The following DIAPH3 variants were observed in gnomAD, a reference collection of about 807,000 sequenced individuals.
The protein encoded by DIAPH3 is protein diaphanous homolog 3.
DIAPH3 carries 117 observed loss-of-function variants against 144.3 expected under a neutral mutation model. The ratio of observed to expected loss-of-function variants is 0.81; its 90% confidence interval spans 0.70 to 0.95. DIAPH3 has a LOEUF of 0.95. DIAPH3 is among the 40% of genes least tolerant of loss of function. The probability of loss-of-function intolerance (pLI) is 0.00; values close to 1 mark genes in which losing one functional copy is unlikely to be tolerated. For missense variants in DIAPH3, 1,421 were observed against 1,412.7 expected (o/e 1.01, Z -0.09); for synonymous variants, 519 against 488.9 (o/e 1.06, Z -0.81).
At chr13:60,028,220 C>A (rs1365382877) in intron 5 of DIAPH3, among the ~76,000 whole-genome samples, 1 of 152,098 alleles carries the variant, frequency 6.6e-6, no homozygotes, top group East Asian at 1.9e-4. Context: ...TCTTTTATAG[C>A]AAAAGGTCTC....
chr13:59,706,190 G>A (rs2034413755), intron 27 of DIAPH3, among the ~76,000 whole-genome samples: 1 of 152,060 alleles, frequency 6.6e-6, no homozygotes, highest in Admixed American at 6.6e-5. Flanking sequence ...ACACTGTATT[G>A]TTTAAGGAAT....
chr13:59,991,989 TA>T, intron 11 of DIAPH3, 78 bp downstream of exon 11: 1 of 1,104,280 alleles, frequency 9.1e-7, no homozygotes, highest in Non-Finnish European at 1.4e-6. Context: ...AGAAATGAGC[TA>T]AATATTTGTG....
chr13:59,813,416 G>A (rs1273838204), intron 24 of DIAPH3, among the ~76,000 whole-genome samples: 2 of 151,842 alleles, frequency 1.3e-5, no homozygotes, highest in African/African-American at 4.8e-5. Flanking sequence ...GAGTGGTTAA[G>A]TACTTGTTTA....
intron 5 of DIAPH3, 129 bp downstream of exon 5, chr13:60,042,561 T>C: frequency 9.0e-7 from 1 of 1,107,632 alleles, no homozygotes; most frequent in Non-Finnish European, 1.3e-6. Context: ...TTCCTGCATA[T>C]AAATATTAGG....
intron 27 of DIAPH3, among the ~76,000 whole-genome samples, chr13:59,705,900 T>C (rs1213362536): frequency 1.3e-5 from 2 of 151,882 alleles, no homozygotes; most frequent in Non-Finnish European, 2.9e-5. Context: ...TAATGAAGAG[T>C]TCTATTTTGT....
intron 27 of DIAPH3, among the ~76,000 whole-genome samples, chr13:59,721,058 TA>T (rs1186607019): frequency 6.6e-6 from 1 of 152,234 alleles, no homozygotes; most frequent in African/African-American, 2.4e-5. Context: ...CACACTTGGC[TA>T]AATTTTCATA....
intron 27 of DIAPH3, among the ~76,000 whole-genome samples, chr13:59,707,097 G>A (rs893305773): frequency 6.6e-6 from 1 of 152,104 alleles, no homozygotes; most frequent in African/African-American, 2.4e-5. Context: ...ACAAAATGAA[G>A]TCATATTCAT....
chr13:60,072,679 G>C (rs2057251908), intron 4 of DIAPH3, among the ~76,000 whole-genome samples: 1 of 151,946 alleles, frequency 6.6e-6, no homozygotes. Flanking sequence ...AGAATAAAAA[G>C]TTGAAACACA....
chr13:59,916,139 G>GT lies in DIAPH3; in HGVS notation c.2265+15dup, dbSNP rs1327781610. On this transcript the variant is annotated intron_variant, in intron 19 of 27. Coordinates refer to ENST00000400324, the MANE Select transcript of DIAPH3 (RefSeq NM_001042517.2). ...GCAATGAAATATTGAAATTTAAGCT[G>GT]TGCCTGTTTGTTTACCTGAATCATA... 6.3e-7 allele frequency: 1 copy of GT among 1,596,262 alleles called. No individual in the cohort carries two copies. The highest frequency in any genetic ancestry group is 8.6e-7 in the Non-Finnish European group (1 of 1,164,314).
At position 59,879,348 on chromosome 13, in the gene DIAPH3, T is replaced by G. The variant is rs1267289884; in HGVS notation, c.2488A>C (p.Ile830Leu). 6.2e-7 allele frequency: 1 copy of G among 1,613,798 alleles called. No homozygotes were observed. Among genetic ancestry groups the G allele is most frequent in the African/African-American group, 1.3e-5 (1 of 74,920 alleles). The change falls in exon 21 of 28, where the codon ATA (isoleucine) becomes CTA (leucine). Residue 830 changes from isoleucine to leucine, a missense_variant. By Grantham distance (5) the Ile-to-Leu change is conservative (BLOSUM62 2). Coordinates refer to ENST00000400324, the MANE Select transcript of DIAPH3 (RefSeq NM_001042517.2). ...IMAVSTACEE[I>L]KKSKSFSKLL... ...TTGCTAAAGCTTTTGCTCTTCTTTA[T>G]CTCTTCGCAGGCAGTACTGACAGCC... is the stretch of plus-strand genomic sequence containing the variant.
At chr13:59,770,100 G>A (rs771887790) in intron 27 of DIAPH3, among the ~76,000 whole-genome samples, 1 of 151,940 alleles carries the variant, frequency 6.6e-6, no homozygotes, top group Non-Finnish European at 1.5e-5. Flanking sequence ...CATCTGATCC[G>A]ACAACTCTTT....
intron 17 of DIAPH3, among the ~76,000 whole-genome samples, chr13:59,964,847 T>C (rs886818302): frequency 2.6e-4 from 39 of 152,192 alleles, no homozygotes; most frequent in African/African-American, 8.4e-4. Flanking sequence ...CTCTACTGAC[T>C]TTCTCCCCAA....
chr13:60,066,420 T>C (rs1035970154), intron 4 of DIAPH3, among the ~76,000 whole-genome samples: 1 of 152,206 alleles, frequency 6.6e-6, no homozygotes, highest in African/African-American at 2.4e-5. Flanking sequence ...GTGGTGTTGC[T>C]GGTAAATGTT....
chr13:59,952,332 C>A (rs1237982965), intron 17 of DIAPH3, among the ~76,000 whole-genome samples: 1 of 152,086 alleles, frequency 6.6e-6, no homozygotes, highest in Admixed American at 6.6e-5. Context: ...AGAGGCCGTA[C>A]TAAAAGCCAC....
At chr13:59,873,839 G>T (rs1273532943) in intron 21 of DIAPH3, among the ~76,000 whole-genome samples, 17 of 151,780 alleles carry the variant, frequency 1.1e-4, no homozygotes, top group Middle Eastern at 3.4e-3. Flanking sequence ...GCCCAGATAA[G>T]TTTTGTAGTT....
intron 3 of DIAPH3, among the ~76,000 whole-genome samples, chr13:60,105,099 C>CAAAAAAAAAAAAAAAAAAAAAAAA (rs60853102): frequency 1.4e-4 from 6 of 41,824 alleles, no homozygotes; most frequent in African/African-American, 2.0e-4. Flanking sequence ...GACACGATCT[C>CAAAAAAAAAAAAAAAAAAAAAAAA]AAAAAAAAAA....
At chr13:59,851,845 CTT>C (rs1448003291) in intron 22 of DIAPH3, among the ~76,000 whole-genome samples, 1 of 152,154 alleles carries the variant, frequency 6.6e-6, no homozygotes, top group African/African-American at 2.4e-5. Flanking sequence ...GTCTCAATCT[CTT>C]GACCTCATGA....
intron 2 of DIAPH3, among the ~76,000 whole-genome samples, chr13:60,127,752 G>T (rs535805499): frequency 6.6e-6 from 1 of 152,070 alleles, no homozygotes; most frequent in Non-Finnish European, 1.5e-5. Context: ...ACTGTAAGCG[G>T]GTACAGAGGG....
chr13:59,729,202 A>G (rs887397701), intron 27 of DIAPH3, among the ~76,000 whole-genome samples: 1 of 152,202 alleles, frequency 6.6e-6, no homozygotes, highest in Non-Finnish European at 1.5e-5. Context: ...AAAAAACCAC[A>G]GAGCCAGCAC....
Sources: gnomAD v4.1 joint callset for allele counts (sites outside exome capture counted in the v4.1 genomes callset) on GRCh38, gnomAD v4.1.1 for gene constraint, MANE v1.5 for transcripts, NCBI Gene and HGNC (gene_info 2026-07-23, HGNC 2026-07-21) for gene names.